AP3B1: variants seen among roughly 807,000 people sequenced by gnomAD.
AP3B1 encodes the protein AP-3 complex subunit beta-1.
AP3B1 carries 61 observed loss-of-function variants against 132.5 expected under a neutral mutation model. That is an observed-to-expected ratio of 0.46 (90% CI 0.37 to 0.57). The LOEUF (loss-of-function observed/expected upper bound fraction) is 0.57. Among genes scored for constraint, AP3B1 ranks in the 20% least tolerant of loss-of-function variants. The pLI, the probability that AP3B1 is intolerant of heterozygous loss-of-function variation, is 0.00. For missense variants in AP3B1, 1,120 were observed against 1,289.4 expected, an observed-to-expected ratio of 0.87 and a Z score of 2.01; for synonymous variants, 388 against 438.3, an observed-to-expected ratio of 0.89 and a Z score of 1.43.
At chr5:78,052,070 C>A (rs192642269) in intron 22 of AP3B1, among the ~76,000 whole-genome samples, 6 of 151,956 alleles carry the variant, frequency 3.9e-5, no homozygotes, top group African/African-American at 1.4e-4. Context: ...AGCACAGACT[C>A]GAAGAAATAT....
chr5:78,097,061 T>C (rs4703749), intron 21 of AP3B1, among the ~76,000 whole-genome samples: 1 of 34,296 alleles, frequency 2.9e-5, no homozygotes, highest in Non-Finnish European at 5.6e-5. Context: ...GGAGGGAGGT[T>C]GGGGGGTCAG....
At chr5:78,291,219 G>A (rs1749500234) in intron 1 of AP3B1, among the ~76,000 whole-genome samples, 1 of 151,992 alleles carries the variant, frequency 6.6e-6, no homozygotes, top group South Asian at 2.1e-4. Flanking sequence ...GTTAGTGAAG[G>A]ATCAGTGAAC....
chr5:78,041,878 A>G, intron 22 of AP3B1: 1 of 181,930 alleles, frequency 5.5e-6, no homozygotes. Context: ...CAGTGGTGCG[A>G]TCTCAGCTCA....
chr5:78,141,587 C>A (rs890372895), intron 14 of AP3B1, among the ~76,000 whole-genome samples: 1 of 152,102 alleles, frequency 6.6e-6, no homozygotes, highest in Admixed American at 6.5e-5. Flanking sequence ...CTATCAGAGA[C>A]GAACAAATTC....
chr5:78,011,862 C>T (rs757784896), intron 26 of AP3B1, among the ~76,000 whole-genome samples: 6 of 152,036 alleles, frequency 3.9e-5, no homozygotes, highest in South Asian at 2.1e-4. Context: ...AGGGTTAGAA[C>T]GAATACACTA....
intron 24 of AP3B1, among the ~76,000 whole-genome samples, chr5:78,032,869 T>A (rs991742643): frequency 6.6e-6 from 1 of 152,122 alleles, no homozygotes; most frequent in Non-Finnish European, 1.5e-5. Context: ...AGAAAAAATA[T>A]TATTCACATA....
chr5:78,199,799 G>A (rs879823926), intron 7 of AP3B1, among the ~76,000 whole-genome samples: 2 of 151,340 alleles, frequency 1.3e-5, no homozygotes, highest in African/African-American at 2.4e-5. Flanking sequence ...GTAAAGGGAG[G>A]GTAGAAAACT....
chr5:78,037,909 T>C (rs759000189), intron 23 of AP3B1, among the ~76,000 whole-genome samples: 2 of 152,222 alleles, frequency 1.3e-5, no homozygotes, highest in Non-Finnish European at 2.9e-5. Flanking sequence ...AGATAGACAT[T>C]CTAAATATTA....
chr5:78,176,413 G>A (rs1744150090), intron 9 of AP3B1, among the ~76,000 whole-genome samples: 1 of 151,908 alleles, frequency 6.6e-6, no homozygotes, highest in South Asian at 2.1e-4. Flanking sequence ...GGGAGAATAG[G>A]AACACAAAGG....
intron 14 of AP3B1, among the ~76,000 whole-genome samples, chr5:78,149,577 A>C (rs544412146): frequency 6.6e-6 from 1 of 152,302 alleles, no homozygotes; most frequent in African/African-American, 2.4e-5. Context: ...GCTTACACCG[A>C]GCACTGTTCT....
chr5:78,203,369 A>G (rs1191390774), intron 7 of AP3B1, among the ~76,000 whole-genome samples: 3 of 152,178 alleles, frequency 2.0e-5, no homozygotes, highest in Non-Finnish European at 2.9e-5. Flanking sequence ...ATGAGAATAG[A>G]GTGAAGGGGA....
At chr5:78,145,537 T>C (rs1459722044) in intron 14 of AP3B1, among the ~76,000 whole-genome samples, 2 of 152,206 alleles carry the variant, frequency 1.3e-5, no homozygotes, top group Non-Finnish European at 2.9e-5. Context: ...GGAAGAATAC[T>C]GGTCAGCAAG....
chr5:78,223,027 C>CTCTTTTTTTTTTTTTTTTTTTTTTTT (rs66493022), intron 6 of AP3B1, among the ~76,000 whole-genome samples: 3 of 127,818 alleles, frequency 2.3e-5, no homozygotes, highest in Non-Finnish European at 3.3e-5. Context: ...TTGTTTGTTT[C>CTCTTTTTTTTTTTTTTTTTTTTTTTT]TTTTTTTTTT....
At position 78,230,845 on chromosome 5, in the gene AP3B1, C is replaced by T. The variant is rs1237404168; in HGVS notation, c.280-2606G>A. Among the ~76,000 whole-genome samples the T allele has an allele frequency of 2.6e-5, 4 of 152,234 alleles. No individual in the cohort carries two copies. The East Asian group carries it at 7.8e-4, about 30-fold the overall frequency. ...GAAAATATATCCTTGTGGCCAGGCA[C>T]GGTGGCTCACACCTGTAATCCCAGC... is the stretch of plus-strand genomic sequence containing the variant. On this transcript the variant is annotated intron_variant, in intron 3 of 26. Coordinates refer to ENST00000255194, the MANE Select transcript of AP3B1 (RefSeq NM_003664.5).
chr5:78,057,555 A>G (rs139970799), intron 22 of AP3B1, among the ~76,000 whole-genome samples: 118 of 152,340 alleles, frequency 7.7e-4, no homozygotes, highest in African/African-American at 2.8e-3. Context: ...CTTTGATGAA[A>G]AAATAAGCCT....
At chr5:78,141,394 CT>C in intron 14 of AP3B1, 75 bp from the exon 15 acceptor site, 1 of 1,234,548 alleles carries the variant, frequency 8.1e-7, no homozygotes, top group South Asian at 1.3e-5. Context: ...AAGGTTTTAA[CT>C]ATTACAAAAG....
chr5:78,228,077 T>C, intron 4 of AP3B1, 67 bp downstream of exon 4: 2 of 1,136,072 alleles, frequency 1.8e-6, no homozygotes, highest in South Asian at 3.0e-5. Context: ...GCTCCACTTC[T>C]TTAACTGACA....
intron 3 of AP3B1, among the ~76,000 whole-genome samples, chr5:78,229,842 T>C (rs911773453): frequency 4.6e-5 from 7 of 152,164 alleles, no homozygotes; most frequent in Non-Finnish European, 8.8e-5. Flanking sequence ...GCTGGAAATA[T>C]AAAAACAGTA....
intron 6 of AP3B1, among the ~76,000 whole-genome samples, chr5:78,220,896 T>G (rs960640131): frequency 6.6e-6 from 1 of 152,006 alleles, no homozygotes; most frequent in African/African-American, 2.4e-5. Flanking sequence ...AAAATTTTTT[T>G]TAATTAGCTG....
Sources: allele counts gnomAD v4.1 joint callset (sites outside exome capture counted in the v4.1 genomes callset), GRCh38; gene constraint gnomAD v4.1.1; transcripts MANE v1.5; gene names NCBI Gene and HGNC (gene_info 2026-07-23, HGNC 2026-07-21).